Variants in NME4 observed in about 807,000 individuals in gnomAD.
The protein encoded by NME4 is NME/NM23 nucleoside diphosphate kinase 4.
Under a neutral mutation model 16.4 loss-of-function variants are expected in NME4, and 21 were observed. That is an observed-to-expected ratio of 1.28 (90% CI 0.91 to 1.84). NME4 has a LOEUF of 1.84. Among genes scored for constraint, NME4 ranks in the 40% most tolerant of loss-of-function variants. The probability of loss-of-function intolerance (pLI) is 0.00; values close to 1 mark genes in which losing one functional copy is unlikely to be tolerated. For missense variants in NME4, 316 were observed against 261.3 expected, an observed-to-expected ratio of 1.21 and a Z score of -1.44; for synonymous variants, 132 against 107.5, an observed-to-expected ratio of 1.23 and a Z score of -1.41.
At chr16:399,776 G>A in intron 4 of NME4, 37 bp downstream of exon 4, 1 of 1,542,600 alleles carries the variant, frequency 6.5e-7, no homozygotes, top group Non-Finnish European at 9.0e-7. Flanking sequence ...GCTGCTGGGG[G>A]CAAGGAGGGC....
chr16:397,334 CG>C, intron 1 of NME4, 21 bp downstream of exon 1: 1 of 997,158 alleles, frequency 1.0e-6, no homozygotes, highest in Non-Finnish European at 1.2e-6. Context: ...CCGCGCGCCC[CG>C]GCGGGGACGC....
chr16:397,417 G>A, intron 1 of NME4, 104 bp downstream of exon 1: 1 of 334,398 alleles, frequency 3.0e-6, no homozygotes, highest in Non-Finnish European at 4.3e-6. Flanking sequence ...GACTCCCCCA[G>A]AGGCCTCGGG....
At chr16:397,943 GC>G in intron 1 of NME4, 1 of 1,549,240 alleles carries the variant, frequency 6.5e-7, no homozygotes. Flanking sequence ...CCGCAGCAGA[GC>G]CCCAGGCTAC....
chr16:399,743 C>T lies in NME4; in HGVS notation c.440+4C>T, dbSNP rs370638570. 1.0e-4 allele frequency: 162 copies of T among 1,610,030 alleles called. No homozygotes were observed. The highest frequency in any genetic ancestry group is 1.2e-4 in the Non-Finnish European group (142 of 1,177,476). ...ACTTCAGCGTCCACATCAGCAGGTA[C>T]GGGGGTCCTGATACACCAGGCTGCT... On this transcript the variant is annotated splice_donor_region_variant and intron_variant, in intron 4 of 4. Coordinates refer to ENST00000219479, the MANE Select transcript of NME4 (RefSeq NM_005009.3).
chr16:397,206 C>A lies in NME4; in HGVS notation c.-17C>A. On this transcript the variant is annotated 5_prime_UTR_variant, in exon 1 of 5. Coordinates refer to ENST00000219479, the MANE Select transcript of NME4 (RefSeq NM_005009.3). ...CGCCCGCTCCTCGCGCTCACAGCGG[C>A]CCGCGGGCCGGGCGTCATGGGCGGC... 1 of 998,390 alleles carries A rather than the reference C, an allele frequency of 1.0e-6. No homozygotes were observed. The highest frequency in any genetic ancestry group is 1.2e-6 in the Non-Finnish European group (1 of 838,090). The allele number at this position is 998,390 out of a possible 1,614,324, so 61.8% of individuals were successfully genotyped here. A position where few individuals can be genotyped will look rare whatever the true frequency, so the allele number is the denominator to read the frequency against.
intron 1 of NME4, chr16:397,811 C>G (rs2054578486): frequency 2.6e-5 from 39 of 1,487,398 alleles, no homozygotes; most frequent in Non-Finnish European, 3.5e-5. Context: ...ACGTCAGGCC[C>G]CAAGTCCCCG....
At position 400,363 on chromosome 16, in the gene NME4, C is replaced by A; in HGVS notation, c.*21C>A. 1.9e-6 allele frequency: 3 copies of A among 1,592,128 alleles called. No homozygotes were observed. The highest frequency in any genetic ancestry group is 1.1e-5 in the South Asian group (1 of 89,796). ...CCTGAGGCTCAAGCTGCCCTTACCA[C>A]CCCATCCCCCACGCAGGACCAACTA... On this transcript the variant is annotated 3_prime_UTR_variant, in exon 5 of 5. Coordinates refer to ENST00000219479, the MANE Select transcript of NME4 (RefSeq NM_005009.3).
At chr16:397,944 C>T (rs1234284258) in intron 1 of NME4, 3 of 1,548,728 alleles carry the variant, frequency 1.9e-6, no homozygotes, top group Admixed American at 2.0e-5. Context: ...CGCAGCAGAG[C>T]CCCAGGCTAC....
At position 400,640 on chromosome 16, in the gene NME4, T is replaced by G. The variant is rs924778759; in HGVS notation, c.*298T>G. On this transcript the variant is annotated 3_prime_UTR_variant, in exon 5 of 5. Coordinates refer to ENST00000219479, the MANE Select transcript of NME4 (RefSeq NM_005009.3). ...AAAGGGGAGGCATTAAAATTCACTG[T>G]GCCCAGCACATGGGTGGTACACTAA... 6 of 364,354 alleles carry G rather than the reference T, an allele frequency of 1.6e-5. No homozygotes were observed. The highest frequency in any genetic ancestry group is 3.0e-5 in the Non-Finnish European group (6 of 201,192). The allele number at this position is 364,354 out of a possible 1,614,324, so 22.6% of individuals were successfully genotyped here. A position where few individuals can be genotyped will look rare whatever the true frequency, so the allele number is the denominator to read the frequency against.
chr16:399,298 C>T (rs773350692), intron 2 of NME4, 81 bp from the exon 3 acceptor site: 1 of 1,460,086 alleles, frequency 6.8e-7, no homozygotes, highest in Non-Finnish European at 9.6e-7. Context: ...CTGCAAGGTG[C>T]CTGAGGTCAG....
chr16:398,894 G>A lies in NME4; in HGVS notation c.92-96G>A, dbSNP rs1379411382. ...TGCCCTGCATAGAGGCAGACACCCT[G>A]AAGCCTGGTGACCCCTGGGCTCTGG... On this transcript the variant is annotated intron_variant, in intron 1 of 4. Transcript: ENST00000219479. 1.9e-5 allele frequency: 29 copies of A among 1,541,898 alleles called. No individual in the cohort carries two copies. The East Asian group carries it at 5.6e-4, about 30-fold the overall frequency.
chr16:397,406 C>A, intron 1 of NME4, 93 bp downstream of exon 1: 1 of 452,362 alleles, frequency 2.2e-6, no homozygotes, highest in Non-Finnish European at 2.9e-6. Flanking sequence ...GGCTGGGGTC[C>A]GACTCCCCCA....
rs539046810 is a variant in NME4 at position 397,842 on chromosome 16, C to T, written c.91+529C>T. 1.2e-4 allele frequency: 187 copies of T among 1,544,842 alleles called. 1 individual carries two copies. In the African/African-American group the frequency reaches 2.2e-3, roughly 18 times the overall value. On this transcript the variant is annotated intron_variant, in intron 1 of 4. Transcript: ENST00000219479. ...CCCCGGCCCCGCCGCTGCCCGGCCC[C>T]CCCAGCTGCCACCTCACAGGACGAT...
chr16:397,925 C>T (rs74784460), intron 1 of NME4: 47,795 of 1,549,976 alleles, frequency 0.031, 1,189 homozygotes, highest in African/African-American at 0.14. Context: ...CTGCAATGCC[C>T]GCACCAGCCG....
In NME4 at chr16:400,636, A is replaced by C; in HGVS notation, c.*294A>C. ...CTCTAAAGGGGAGGCATTAAAATTC[A>C]CTGTGCCCAGCACATGGGTGGTACA... On this transcript the variant is annotated 3_prime_UTR_variant, in exon 5 of 5. Transcript: ENST00000219479. 2.7e-6 allele frequency: 1 copy of C among 372,574 alleles called. No homozygotes were observed. The highest frequency in any genetic ancestry group is 4.8e-6 in the Non-Finnish European group (1 of 206,422). The allele number at this position is 372,574 out of a possible 1,614,324, so 23.1% of individuals were successfully genotyped here. A position where few individuals can be genotyped will look rare whatever the true frequency, so the allele number is the denominator to read the frequency against.
chr16:398,254 C>G, intron 1 of NME4: 5 of 1,406,394 alleles, frequency 3.6e-6, no homozygotes, highest in Non-Finnish European at 4.7e-6. Context: ...AGCGCTGACC[C>G]TGGGTCTGGA....
chr16:397,412 C>G, intron 1 of NME4, 99 bp downstream of exon 1: 1 of 395,454 alleles, frequency 2.5e-6, no homozygotes, highest in Middle Eastern at 1.2e-3. Flanking sequence ...GGTCCGACTC[C>G]CCCAGAGGCC....
Position 400,350 on chromosome 16 carries a change from G to A in NME4, c.*8G>A. 6.3e-7 allele frequency: 1 copy of A among 1,598,202 alleles called. No individual in the cohort carries two copies. The highest frequency in any genetic ancestry group is 8.5e-7 in the Non-Finnish European group (1 of 1,177,750). On this transcript the variant is annotated 3_prime_UTR_variant, in exon 5 of 5. Transcript: ENST00000219479. ...AGCATCCACCCAGCCTGAGGCTCAA[G>A]CTGCCCTTACCACCCCATCCCCCAC...
chr16:398,515 A>T, intron 1 of NME4: 1 of 768,620 alleles, frequency 1.3e-6, no homozygotes, highest in Non-Finnish European at 1.8e-6. Context: ...GAAGGGATGG[A>T]GTCAAAAGTG....
Sources: allele counts gnomAD v4.1 joint callset, GRCh38; gene constraint gnomAD v4.1.1; transcripts MANE v1.5; gene names NCBI Gene and HGNC (gene_info 2026-07-23, HGNC 2026-07-21).